The following DMXL1 variants were observed in gnomAD, a reference collection of about 807,000 sequenced individuals.
The protein encoded by DMXL1 is dmX-like protein 1.
In DMXL1, 99 loss-of-function variants were observed where a neutral mutation model predicts 319.2. That is an observed-to-expected ratio of 0.31 (90% CI 0.26 to 0.37). The LOEUF is 0.37. Ranked by LOEUF, DMXL1 falls within the 10% of genes least tolerant of loss-of-function variation. The probability of loss-of-function intolerance (pLI) is 1.00; values close to 1 mark genes in which losing one functional copy is unlikely to be tolerated. For missense variants in DMXL1, 3,745 were observed against 3,595.6 expected (o/e 1.04, Z -1.06); for synonymous variants, 1,385 against 1,235.2 (o/e 1.12, Z -2.54).
At chr5:119,115,586 G>T (rs532132115) in intron 6 of DMXL1, among the ~76,000 whole-genome samples, 10 of 151,992 alleles carry the variant, frequency 6.6e-5, no homozygotes, top group Admixed American at 6.6e-4. Context: ...CTTTACAGGT[G>T]GGAACTCAGT....
chr5:119,111,534 G>C (rs1759597707), intron 5 of DMXL1, among the ~76,000 whole-genome samples: 1 of 152,050 alleles, frequency 6.6e-6, no homozygotes, highest in African/African-American at 2.4e-5. Context: ...TTATATTGCT[G>C]TTCGACAAGA....
intron 14 of DMXL1, among the ~76,000 whole-genome samples, chr5:119,144,288 TAAA>T (rs1561708671): frequency 6.6e-6 from 1 of 151,780 alleles, no homozygotes; most frequent in Non-Finnish European, 1.5e-5. Context: ...TGTGGCTAAA[TAAA>T]AAACATTGGT....
At position 119,150,026 on chromosome 5, in the gene DMXL1, T is replaced by G. The variant is rs748812217; in HGVS notation, c.4199T>G (p.Ile1400Arg). 2.5e-6 allele frequency: 4 copies of G among 1,613,792 alleles called. No homozygotes were observed. The highest frequency in any genetic ancestry group is 3.4e-6 in the Non-Finnish European group (4 of 1,179,812). Residue 1400 changes from isoleucine to arginine, a missense_variant, in exon 18 of 44, where the codon ATA becomes AGA. Physicochemically the swap from Ile to Arg is moderately conservative, Grantham distance 97. Around this residue, in one of 4 missense-constraint regions of DMXL1, gnomAD observed 2,096 missense variants for 1,985.4 expected, o/e 1.06. Transcript: ENST00000539542. ...GCTGAAAATACAGATTACACAGAAA[T>G]AGATTCTGTTCCTCCACTTCCTTTA... ...NKAENTDYTE[I>R]DSVPPLPLYA...
intron 29 of DMXL1, 83 bp from the exon 30 acceptor site, chr5:119,193,745 A>C: frequency 7.5e-7 from 1 of 1,332,498 alleles, no homozygotes; most frequent in Non-Finnish European, 1.0e-6. Context: ...TGCAAATGAG[A>C]TGAATTATTA....
chr5:119,216,956 CTGA>C lies in DMXL1; in HGVS notation c.7984_7986del (p.Asp2662del). 6.3e-7 allele frequency: 1 copy of C among 1,598,534 alleles called. No individual in the cohort carries two copies. The highest frequency in any genetic ancestry group is 8.5e-7 in the Non-Finnish European group (1 of 1,171,914). ...AAAGCAAGAATTATTCATAAGGAAT[CTGA>C]TATCATTACTGCGTTTGCTGTTAAT... On this transcript the variant is annotated inframe_deletion, in exon 35 of 44. Coordinates refer to ENST00000539542, the MANE Select transcript of DMXL1 (RefSeq NM_001290321.3).
chr5:119,134,032 G>C lies in DMXL1; in HGVS notation c.2108G>C (p.Ser703Thr), dbSNP rs150747954. Reference sequence around the variant, plus strand: ...TTTCAGGATCCCAGTGCAGTTTACAGTGAGCTTATTCTGTGGAGGGTTGAC... The same window carrying C: ...TTTCAGGATCCCAGTGCAGTTTACACTGAGCTTATTCTGTGGAGGGTTGAC... The part of the protein sequence containing the change: ...VAFQDPSAVY[S>T]ELILWRVDPV... The change falls in exon 12 of 44, where the codon AGT becomes ACT. Residue 703 changes from serine to threonine, a missense_variant. Physicochemically the swap from Ser to Thr is moderately conservative, Grantham distance 58. Around this residue, in one of 4 missense-constraint regions of DMXL1, gnomAD observed 2,096 missense variants for 1,985.4 expected, o/e 1.06. Transcript: ENST00000539542. The C allele has an allele frequency of 1.8e-5, 29 of 1,614,078 alleles. No homozygotes were observed. In the African/African-American group the frequency reaches 3.7e-4, roughly 21 times the overall value.
At chr5:119,114,910 C>T (rs184032799) in intron 6 of DMXL1, among the ~76,000 whole-genome samples, 86 of 152,246 alleles carry the variant, frequency 5.6e-4, no homozygotes, top group Non-Finnish European at 8.8e-4. Flanking sequence ...CCTTGTGATC[C>T]GCCCACCTCG....
chr5:119,220,952 C>T lies in DMXL1; in HGVS notation c.8148C>T (p.Phe2716=). 6.2e-7 allele frequency: 1 copy of T among 1,612,892 alleles called. No individual in the cohort carries two copies. The highest frequency in any genetic ancestry group is 8.5e-7 in the Non-Finnish European group (1 of 1,179,498). The change falls in exon 37 of 44, where the codon TTC becomes TTT. Residue 2716 remains phenylalanine (F), a synonymous_variant. Coordinates refer to ENST00000539542, the MANE Select transcript of DMXL1 (RefSeq NM_001290321.3). The part of the protein sequence containing the change: ...IEVETKGSED[F]LVIHARDDLT... ...CATTCCTTTATAGATCAGAAGATTT[C>T]TTGGTTATACATGCTCGTGATGATT...
At chr5:119,202,176 G>A (rs571847371) in intron 32 of DMXL1, among the ~76,000 whole-genome samples, 1 of 152,126 alleles carries the variant, frequency 6.6e-6, no homozygotes, top group South Asian at 2.1e-4. Context: ...GTTAATTTGA[G>A]ATCTTTCTAA....
intron 5 of DMXL1, among the ~76,000 whole-genome samples, chr5:119,112,817 CGTG>C (rs1417539637): frequency 6.6e-6 from 1 of 151,818 alleles, no homozygotes; most frequent in Non-Finnish European, 1.5e-5. Context: ...ATTAGCCAGG[CGTG>C]GTGGTGCATG....
chr5:119,139,082 T>A (rs1352441390), intron 13 of DMXL1: 1 of 152,222 alleles, frequency 6.6e-6, no homozygotes, highest in Admixed American at 6.5e-5. Flanking sequence ...AGATCCTTTT[T>A]AGATAAACCA....
At chr5:119,111,779 T>C (rs1759658584) in intron 5 of DMXL1, among the ~76,000 whole-genome samples, 2 of 152,176 alleles carry the variant, frequency 1.3e-5, no homozygotes, top group African/African-American at 4.8e-5. Flanking sequence ...GTAAGCAACA[T>C]TGGGCAATGG....
chr5:119,084,214 G>A (rs887093932), intron 1 of DMXL1, among the ~76,000 whole-genome samples: 1 of 151,704 alleles, frequency 6.6e-6, no homozygotes, highest in African/African-American at 2.4e-5. Flanking sequence ...TCTGCCTCCT[G>A]GGTTGAAGCA....
At position 119,247,216 on chromosome 5, in the gene DMXL1, A is replaced by T. The variant is rs1338724374; in HGVS notation, c.9144A>T (p.Leu3048=). The part of the protein sequence containing the change: ...EVLKNDVKFM[L] ...TGAAAAATGATGTGAAATTTATGCT[A>T]TAACATTTTTACAATAAGATGTACA... Residue 3048 remains leucine (L), a synonymous_variant, in exon 44 of 44, where the codon CTA becomes CTT. Transcript: ENST00000539542. The T allele has an allele frequency of 3.7e-6, 6 of 1,606,954 alleles. No individual in the cohort carries two copies. The highest frequency in any genetic ancestry group is 5.1e-6 in the Non-Finnish European group (6 of 1,174,050).
rs1388168739 is a variant in DMXL1 at position 119,133,912 on chromosome 5, C to T, written c.1988C>T (p.Thr663Ile). Residue 663 changes from threonine (T) to isoleucine (I), a missense_variant, in exon 12 of 44, where the codon ACA (threonine) becomes ATA (isoleucine). By Grantham distance (89) the Thr-to-Ile change is moderately conservative. This residue lies in a region of DMXL1 where 2,096 missense variants were observed against 1,985.4 expected (regional missense o/e 1.06). Transcript: ENST00000539542. ...ACATCACACCATAATGCATTAAGGA[C>T]ACCAGATGTTGATAACCCAGAGCAA... ...LTTSHHNALR[T>I]PDVDNPEQPF... 2 of 1,614,148 alleles carry T rather than the reference C, an allele frequency of 1.2e-6. No individual in the cohort carries two copies. The highest frequency in any genetic ancestry group is 2.2e-5 in the East Asian group (1 of 44,884).
At position 119,247,114 on chromosome 5, in the gene DMXL1, C is replaced by T; in HGVS notation, c.9042C>T (p.His3014=). Residue 3014 remains histidine (H), a synonymous_variant, in exon 44 of 44, where the codon CAC becomes CAT. Transcript: ENST00000539542. ...VMQIETGPAN[H]IFSCGADGTM... ...AAATTGAGACAGGGCCTGCAAATCA[C>T]ATTTTCTCCTGTGGAGCTGATGGAA... The T allele has an allele frequency of 1.2e-6, 2 of 1,614,082 alleles. No individual in the cohort carries two copies. The highest frequency in any genetic ancestry group is 1.7e-6 in the Non-Finnish European group (2 of 1,179,980).
At chr5:119,081,797 A>G (rs2149693521) in intron 1 of DMXL1, 18 of 888,790 alleles carry the variant, frequency 2.0e-5, no homozygotes, top group Non-Finnish European at 2.3e-5. Context: ...GTTTTTGGCC[A>G]TAAGTTATAA....
chr5:119,117,513 G>A (rs544543897), intron 7 of DMXL1, among the ~76,000 whole-genome samples: 2 of 152,178 alleles, frequency 1.3e-5, no homozygotes, highest in African/African-American at 2.4e-5. Context: ...GGAGGGAGAT[G>A]GGTGTGAGGA....
chr5:119,179,124 C>T (rs1397377408), intron 28 of DMXL1, among the ~76,000 whole-genome samples: 1 of 151,972 alleles, frequency 6.6e-6, no homozygotes, highest in African/African-American at 2.4e-5. Flanking sequence ...CAATTGTATC[C>T]CCGTTTAAAA....
Sources: allele counts gnomAD v4.1 joint callset (sites outside exome capture counted in the v4.1 genomes callset), GRCh38; gene constraint gnomAD v4.1.1; regional missense constraint gnomAD v4.1.1; transcripts MANE v1.5; gene names NCBI Gene and HGNC (gene_info 2026-07-23, HGNC 2026-07-21).